TTC27: variants seen among roughly 807,000 people sequenced by gnomAD.
TTC27 encodes the protein tetratricopeptide repeat domain 27.
TTC27 carries 79 observed loss-of-function variants against 115.9 expected under a neutral mutation model. The ratio of observed to expected loss-of-function variants is 0.68; its 90% confidence interval spans 0.57 to 0.82. The LOEUF (loss-of-function observed/expected upper bound fraction) is 0.82. Among genes scored for constraint, TTC27 ranks in the 40% least tolerant of loss-of-function variants. TTC27 has a pLI of 0.00. For missense variants in TTC27, 1,054 were observed against 993.1 expected (o/e 1.06, Z -0.82); for synonymous variants, 401 against 356.0 (o/e 1.13, Z -1.42).
chr2:32,650,814 A>G (rs1665092792), intron 5 of TTC27, among the ~76,000 whole-genome samples: 1 of 152,192 alleles, frequency 6.6e-6, no homozygotes, highest in Non-Finnish European at 1.5e-5. Context: ...ATGCAGAAAA[A>G]TACCTAAAAC....
At position 32,650,117 on chromosome 2, in the gene TTC27, G is replaced by T. The variant is rs200091572; in HGVS notation, c.538-14G>T. 2 of 1,603,712 alleles carry T rather than the reference G, an allele frequency of 1.2e-6. No homozygotes were observed. Among genetic ancestry groups the T allele is most frequent in the South Asian group, 1.1e-5 (1 of 90,380 alleles). On this transcript the variant is annotated splice_polypyrimidine_tract_variant and intron_variant, in intron 4 of 19. Coordinates refer to ENST00000317907, the MANE Select transcript of TTC27 (RefSeq NM_017735.5). ...GTATCCTTTTATTTCAGCTTACGTGGTGTTTTTTCCTAGAGCTTGCCATGG... is the reference window on the plus strand; with the variant it reads ...GTATCCTTTTATTTCAGCTTACGTGTTGTTTTTTCCTAGAGCTTGCCATGG...
chr2:32,724,189 G>A (rs1002707483), intron 10 of TTC27, among the ~76,000 whole-genome samples: 3 of 152,034 alleles, frequency 2.0e-5, no homozygotes, highest in Non-Finnish European at 4.4e-5. Flanking sequence ...ATGGGCTGTA[G>A]GGAAGGCATA....
At chr2:32,729,701 C>T (rs1031816799) in intron 10 of TTC27, among the ~76,000 whole-genome samples, 1 of 151,904 alleles carries the variant, frequency 6.6e-6, no homozygotes, top group Non-Finnish European at 1.5e-5. Flanking sequence ...GGCCTCCTCT[C>T]TCTCTGCTTG....
intron 10 of TTC27, among the ~76,000 whole-genome samples, chr2:32,710,464 T>C (rs1274566677): frequency 6.7e-6 from 1 of 150,134 alleles, no homozygotes; most frequent in Non-Finnish European, 1.5e-5. Context: ...AGTCTTGCTC[T>C]GTTACCCAGG....
At chr2:32,697,816 A>ATG in intron 9 of TTC27, among the ~76,000 whole-genome samples, 1 of 151,842 alleles carries the variant, frequency 6.6e-6, no homozygotes, top group South Asian at 2.1e-4. Flanking sequence ...CAGTGGAATG[A>ATG]TGTTGGCACA....
intron 9 of TTC27, among the ~76,000 whole-genome samples, chr2:32,700,665 G>A (rs563378464): frequency 6.6e-6 from 1 of 152,314 alleles, no homozygotes; most frequent in Non-Finnish European, 1.5e-5. Context: ...AGCCTCCTGA[G>A]TAGCTGGTAT....
intron 9 of TTC27, among the ~76,000 whole-genome samples, chr2:32,695,536 T>C (rs533367464): frequency 3.2e-4 from 49 of 151,920 alleles, no homozygotes; most frequent in Non-Finnish European, 6.3e-4. Flanking sequence ...CTGGCCAATA[T>C]GGTGAAACCC....
intron 12 of TTC27, among the ~76,000 whole-genome samples, chr2:32,750,228 A>G (rs1369898816): frequency 6.6e-6 from 1 of 152,186 alleles, no homozygotes; most frequent in Non-Finnish European, 1.5e-5. Flanking sequence ...CTATATAGCT[A>G]TTAACCCTGT....
chr2:32,720,965 T>C (rs1367501396), intron 10 of TTC27, among the ~76,000 whole-genome samples: 1 of 152,196 alleles, frequency 6.6e-6, no homozygotes, highest in African/African-American at 2.4e-5. Flanking sequence ...TGTGTAACTA[T>C]TTGTGTGAGT....
At chr2:32,750,485 G>C (rs982794127) in intron 12 of TTC27, among the ~76,000 whole-genome samples, 1 of 152,148 alleles carries the variant, frequency 6.6e-6, no homozygotes, top group Non-Finnish European at 1.5e-5. Flanking sequence ...GAAGGAAAAG[G>C]GATTTTAGGA....
chr2:32,667,492 A>G (rs1467555777), intron 7 of TTC27, among the ~76,000 whole-genome samples: 11 of 148,650 alleles, frequency 7.4e-5, no homozygotes, highest in Admixed American at 3.4e-4. Context: ...TCTCGGCTCA[A>G]TGCATCCTCC....
chr2:32,781,756 C>T (rs949936322), intron 14 of TTC27, among the ~76,000 whole-genome samples: 4 of 152,132 alleles, frequency 2.6e-5, no homozygotes, highest in Non-Finnish European at 2.9e-5. Flanking sequence ...CTCTAATAAC[C>T]TTTTCTTAAG....
At chr2:32,755,530 G>A (rs1417903029) in intron 12 of TTC27, among the ~76,000 whole-genome samples, 2 of 152,116 alleles carry the variant, frequency 1.3e-5, no homozygotes, top group East Asian at 1.9e-4. Context: ...CGAGATGGCA[G>A]CAGTACAGTC....
intron 7 of TTC27, among the ~76,000 whole-genome samples, chr2:32,669,191 C>A (rs150828643): frequency 1.8e-4 from 27 of 152,202 alleles, no homozygotes; most frequent in African/African-American, 6.3e-4. Context: ...GGGGTTTCAC[C>A]GTGTTGCCCA....
intron 10 of TTC27, among the ~76,000 whole-genome samples, chr2:32,727,617 AATATT>A (rs1209722235): frequency 1.3e-5 from 2 of 152,154 alleles, no homozygotes; most frequent in Non-Finnish European, 2.9e-5. Flanking sequence ...CTTCAAACAA[AATATT>A]ATATTGCAAC....
intron 9 of TTC27, among the ~76,000 whole-genome samples, chr2:32,699,334 C>T (rs938184336): frequency 6.6e-6 from 1 of 152,212 alleles, no homozygotes; most frequent in South Asian, 2.1e-4. Context: ...GGGGTGATCA[C>T]TTCTCAAGTT....
chr2:32,766,896 C>T (rs1168316745), intron 13 of TTC27, among the ~76,000 whole-genome samples: 2 of 152,148 alleles, frequency 1.3e-5, no homozygotes, highest in Non-Finnish European at 2.9e-5. Flanking sequence ...AGCAATCCTG[C>T]TGCGTCAGCC....
At chr2:32,630,429 C>T in intron 1 of TTC27, 94 bp from the exon 2 acceptor site, 1 of 952,354 alleles carries the variant, frequency 1.1e-6, no homozygotes, top group Non-Finnish European at 1.5e-6. Context: ...ATTGTTTTTG[C>T]ACACTAAAAT....
chr2:32,641,033 T>A (rs1055505229), intron 4 of TTC27, among the ~76,000 whole-genome samples: 5 of 152,036 alleles, frequency 3.3e-5, no homozygotes, highest in Non-Finnish European at 7.4e-5. Context: ...CAAAAAAAGA[T>A]ATACCTCACA....
Sources: gnomAD v4.1 joint callset for allele counts (sites outside exome capture counted in the v4.1 genomes callset) on GRCh38, gnomAD v4.1.1 for gene constraint, MANE v1.5 for transcripts, NCBI Gene and HGNC (gene_info 2026-07-23, HGNC 2026-07-21) for gene names.